PLCXD3: variants seen among roughly 807,000 people sequenced by gnomAD.
PLCXD3 encodes PI-PLC X domain-containing protein 3.
PLCXD3 carries 19 observed loss-of-function variants against 25.5 expected under a neutral mutation model. The ratio of observed to expected loss-of-function variants is 0.75; its 90% CI spans 0.52 to 1.09. The LOEUF (loss-of-function observed/expected upper bound fraction) is 1.09. PLCXD3 is among the 50% of genes least tolerant of loss of function. The pLI is 0.00. For missense variants in PLCXD3, 411 were observed against 388.1 expected (o/e 1.06, Z -0.50); for synonymous variants, 174 against 137.6 (o/e 1.26, Z -1.85).
At chr5:41,409,965 G>A (rs563133273) in intron 1 of PLCXD3, among the ~76,000 whole-genome samples, 42 of 152,280 alleles carry the variant, frequency 2.8e-4, no homozygotes, top group Admixed American at 2.2e-3. Context: ...CTGGCACAGA[G>A]TAGGTTTTCA....
chr5:41,368,746 AG>A (rs1335541356), intron 2 of PLCXD3, among the ~76,000 whole-genome samples: 3 of 152,176 alleles, frequency 2.0e-5, no homozygotes, highest in Non-Finnish European at 2.9e-5. Context: ...TTTATCATGA[AG>A]GGATGTTGAA....
rs116074442 is a variant in PLCXD3 at position 41,472,346 on chromosome 5, T to C, written c.103+38078A>G. ...TGGTTTCTGGACCATTTGGAGAGTA[T>C]GGCCTAAGAATTGGGAAAAACATCT... On this transcript the variant is annotated intron_variant, in intron 1 of 2. Transcript: ENST00000377801. Among the ~76,000 whole-genome samples, 451 of 152,242 alleles carry C rather than the reference T, an allele frequency of 3.0e-3. 3 individuals are homozygous for C. The highest frequency in any genetic ancestry group is 0.01 in the African/African-American group (426 of 41,546).
chr5:41,434,639 G>C (rs1317386878), intron 1 of PLCXD3, among the ~76,000 whole-genome samples: 1 of 152,168 alleles, frequency 6.6e-6, no homozygotes, highest in Admixed American at 6.5e-5. Flanking sequence ...AATAGCATTA[G>C]GGGTATAAAT....
chr5:41,385,343 A>G (rs1745604035), intron 1 of PLCXD3, among the ~76,000 whole-genome samples: 1 of 151,992 alleles, frequency 6.6e-6, no homozygotes, highest in Admixed American at 6.6e-5. Context: ...CTGGTACTTA[A>G]TGTTACTCCT....
intron 1 of PLCXD3, among the ~76,000 whole-genome samples, chr5:41,433,828 C>T (rs368334750): frequency 2.6e-5 from 4 of 152,152 alleles, no homozygotes; most frequent in East Asian, 3.9e-4. Context: ...ATTCTTTAAA[C>T]GCACAGAAAC....
chr5:41,365,113 G>A (rs186524976), intron 2 of PLCXD3, among the ~76,000 whole-genome samples: 44 of 152,226 alleles, frequency 2.9e-4, no homozygotes, highest in African/African-American at 9.6e-4. Context: ...AGCCTCCAGG[G>A]AACTCTCACT....
intron 1 of PLCXD3, among the ~76,000 whole-genome samples, chr5:41,457,192 G>A (rs1747772188): frequency 6.6e-6 from 1 of 151,934 alleles, no homozygotes; most frequent in Admixed American, 6.6e-5. Context: ...TGACATCCAT[G>A]TCGCCTGGTG....
chr5:41,332,743 G>T (rs369230719), intron 2 of PLCXD3, among the ~76,000 whole-genome samples: 9 of 151,868 alleles, frequency 5.9e-5, no homozygotes, highest in Middle Eastern at 3.2e-3. Context: ...GCACATATAC[G>T]CCATGGAATA....
At chr5:41,467,009 A>G (rs1748031154) in intron 1 of PLCXD3, among the ~76,000 whole-genome samples, 1 of 152,138 alleles carries the variant, frequency 6.6e-6, no homozygotes, top group African/African-American at 2.4e-5. Flanking sequence ...ATGGTGCTGC[A>G]ATGAACATAG....
At chr5:41,473,416 A>C (rs1282770389) in intron 1 of PLCXD3, among the ~76,000 whole-genome samples, 1 of 151,944 alleles carries the variant, frequency 6.6e-6, no homozygotes, top group Non-Finnish European at 1.5e-5. Context: ...GGTTAGTGCA[A>C]AAGTAATTGC....
chr5:41,446,582 A>C (rs1023084694), intron 1 of PLCXD3, among the ~76,000 whole-genome samples: 2 of 151,604 alleles, frequency 1.3e-5, no homozygotes, highest in African/African-American at 4.9e-5. Context: ...CATTGTCTTC[A>C]AAACAACTCT....
At chr5:41,467,898 T>C (rs948966425) in intron 1 of PLCXD3, among the ~76,000 whole-genome samples, 2 of 152,130 alleles carry the variant, frequency 1.3e-5, no homozygotes, top group Admixed American at 6.5e-5. Flanking sequence ...TGGTTTTCTA[T>C]TGTGTTCCAT....
At chr5:41,366,472 C>G (rs147866357) in intron 2 of PLCXD3, among the ~76,000 whole-genome samples, 1 of 152,142 alleles carries the variant, frequency 6.6e-6, no homozygotes, top group East Asian at 1.9e-4. Flanking sequence ...GAGATAAGAT[C>G]ACACTGCATG....
At chr5:41,322,946 C>G (rs1580298625) in intron 2 of PLCXD3, among the ~76,000 whole-genome samples, 1 of 149,402 alleles carries the variant, frequency 6.7e-6, no homozygotes, top group East Asian at 2.0e-4. Flanking sequence ...TGCACTTCAG[C>G]CTGGTGACAG....
At chr5:41,385,831 C>A (rs1460765586) in intron 1 of PLCXD3, among the ~76,000 whole-genome samples, 4 of 152,068 alleles carry the variant, frequency 2.6e-5, no homozygotes, top group Non-Finnish European at 5.9e-5. Flanking sequence ...TTGACCAAAA[C>A]CAGCTGGGAG....
At chr5:41,397,775 C>A (rs528147531) in intron 1 of PLCXD3, among the ~76,000 whole-genome samples, 2 of 152,344 alleles carry the variant, frequency 1.3e-5, no homozygotes, top group African/African-American at 4.8e-5. Context: ...GCCTTGGGAG[C>A]CCATCCTTTG....
intron 1 of PLCXD3, among the ~76,000 whole-genome samples, chr5:41,481,182 T>C (rs1312209631): frequency 6.6e-6 from 1 of 151,682 alleles, no homozygotes; most frequent in East Asian, 1.9e-4. Context: ...TCTCTCTGTC[T>C]GCCTCACCTA....
intron 2 of PLCXD3, among the ~76,000 whole-genome samples, chr5:41,350,590 C>G (rs1219164244): frequency 1.3e-5 from 2 of 152,052 alleles, no homozygotes; most frequent in African/African-American, 4.8e-5. Context: ...ATTCTTACAT[C>G]ATGCTTAAAA....
At chr5:41,507,634 C>T (rs1478400285) in intron 1 of PLCXD3, among the ~76,000 whole-genome samples, 21 of 152,172 alleles carry the variant, frequency 1.4e-4, no homozygotes, top group Admixed American at 1.4e-3. Context: ...CAATCTGGGT[C>T]AGCTGCCCCA....
Sources: gnomAD v4.1 joint callset for allele counts (sites outside exome capture counted in the v4.1 genomes callset) on GRCh38, gnomAD v4.1.1 for gene constraint, MANE v1.5 for transcripts, NCBI Gene and HGNC (gene_info 2026-07-23, HGNC 2026-07-21) for gene names.